Variants in CYP3A5 observed in about 807,000 individuals in gnomAD.
CYP3A5 encodes cytochrome P450 3A5.
In CYP3A5, 51 loss-of-function variants were observed where a neutral mutation model predicts 55.9. That is an observed-to-expected ratio of 0.91 (90% CI 0.73 to 1.15). The LOEUF is 1.15. CYP3A5 is among the 50% of genes most tolerant of loss of function. CYP3A5 has a pLI of 0.00. For missense variants in CYP3A5, 533 were observed against 596.6 expected (o/e 0.89, Z 1.11); for synonymous variants, 196 against 213.9 (o/e 0.92, Z 0.73).
intron 8 of CYP3A5, 123 bp from the exon 9 acceptor site, chr7:99,663,005 A>G: frequency 6.7e-7 from 1 of 1,483,246 alleles, no homozygotes; most frequent in East Asian, 2.5e-5. Context: ...TGGCTTCTTG[A>G]AGACGTGTTA....
chr7:99,664,227 C>T, intron 7 of CYP3A5, 132 bp from the exon 8 acceptor site: 1 of 835,944 alleles, frequency 1.2e-6, no homozygotes, highest in Non-Finnish European at 1.9e-6. Flanking sequence ...TTCCTTTTAT[C>T]ATGTTTGCCC....
chr7:99,679,682 A>G, intron 1 of CYP3A5, 144 bp downstream of exon 1: 1 of 709,086 alleles, frequency 1.4e-6, no homozygotes, highest in Non-Finnish European at 2.4e-6. Context: ...GATAATAATA[A>G]CTTCTATGCG....
At chr7:99,667,128 A>G (rs1811105315) in intron 4 of CYP3A5, 63 bp from the exon 5 acceptor site, 2 of 1,475,678 alleles carry the variant, frequency 1.4e-6, no homozygotes, top group Non-Finnish European at 1.9e-6. Flanking sequence ...GTTGCACAAA[A>G]TATATTGAAG....
chr7:99,663,687 T>C (rs891912116), intron 8 of CYP3A5: 1 of 1,042,324 alleles, frequency 9.6e-7, no homozygotes, highest in Non-Finnish European at 1.2e-6. Context: ...CTTTGACAAT[T>C]TATTAAAGGG....
chr7:99,670,335 A>T (rs1486976020), intron 4 of CYP3A5, among the ~76,000 whole-genome samples: 2 of 152,224 alleles, frequency 1.3e-5, no homozygotes, highest in East Asian at 3.8e-4. Context: ...TCAAACCATA[A>T]CAGCATTCCA....
At chr7:99,651,100 TAGTC>T (rs980822103) in intron 11 of CYP3A5, among the ~76,000 whole-genome samples, 22 of 152,284 alleles carry the variant, frequency 1.4e-4, no homozygotes, top group Admixed American at 5.2e-4. Flanking sequence ...AATAACATGA[TAGTC>T]AGGAGGAGGG....
chr7:99,678,749 T>C (rs898367907), intron 1 of CYP3A5, among the ~76,000 whole-genome samples: 7 of 152,256 alleles, frequency 4.6e-5, no homozygotes, highest in Admixed American at 3.9e-4. Flanking sequence ...TTGCCACAAC[T>C]CACTGAATTC....
At chr7:99,661,221 C>T (rs1464272535) in intron 9 of CYP3A5, among the ~76,000 whole-genome samples, 1 of 152,206 alleles carries the variant, frequency 6.6e-6, no homozygotes, top group Non-Finnish European at 1.5e-5. Flanking sequence ...CATGGACCAG[C>T]AGCACCAGCC....
intron 3 of CYP3A5, chr7:99,674,249 A>C (rs1193330245): frequency 1.4e-5 from 4 of 290,268 alleles, no homozygotes; most frequent in African/African-American, 8.7e-5. Flanking sequence ...GTAGCTAACA[A>C]TAATTATCTC....
intron 10 of CYP3A5, among the ~76,000 whole-genome samples, chr7:99,656,917 G>C (rs370455176): frequency 3.3e-5 from 5 of 151,972 alleles, no homozygotes; most frequent in South Asian, 2.1e-4. Flanking sequence ...TCTGTGGGAT[G>C]GGTGGTGATA....
chr7:99,660,936 A>T (rs1810379570), intron 9 of CYP3A5, among the ~76,000 whole-genome samples: 2 of 152,194 alleles, frequency 1.3e-5, no homozygotes, highest in African/African-American at 4.8e-5. Context: ...ATTTCCAGAG[A>T]GAGCATTTCT....
chr7:99,655,006 A>C (rs1166252329), intron 10 of CYP3A5, among the ~76,000 whole-genome samples: 2 of 152,036 alleles, frequency 1.3e-5, no homozygotes, highest in Non-Finnish European at 2.9e-5. Context: ...AGGTTGCAAA[A>C]ATTTTCTCCC....
chr7:99,679,240 C>G (rs1316961187), intron 1 of CYP3A5, among the ~76,000 whole-genome samples: 1 of 152,026 alleles, frequency 6.6e-6, no homozygotes, highest in African/African-American at 2.4e-5. Flanking sequence ...TTTTCAGGGG[C>G]ATGGCACAGG....
intron 4 of CYP3A5, among the ~76,000 whole-genome samples, chr7:99,667,733 G>A (rs984389331): frequency 2.0e-5 from 3 of 152,170 alleles, no homozygotes; most frequent in African/African-American, 7.2e-5. Context: ...GTTTTAAAAT[G>A]TGTACTTCCA....
Position 99,662,989 on chromosome 7 carries a change from T to A in CYP3A5, c.799-107A>T. Reference sequence around the variant, plus strand: ...CCTTCTTGACTTCCCTCCCTCAACCTCCCTATGGCTTCTTGAAGACGTGTT... The same window carrying A: ...CCTTCTTGACTTCCCTCCCTCAACCACCCTATGGCTTCTTGAAGACGTGTT... On this transcript the variant is annotated intron_variant, in intron 8 of 12. Coordinates refer to ENST00000222982, the MANE Select transcript of CYP3A5 (RefSeq NM_000777.5). This position sits in a 1 kb window ranked among gnomAD's most constrained non-coding sequence, Gnocchi z 4.3. The A allele has an allele frequency of 6.6e-7, 1 of 1,521,708 alleles. No individual in the cohort carries two copies. The highest frequency in any genetic ancestry group is 8.8e-7 in the Non-Finnish European group (1 of 1,132,272). The allele number at this position is 1,521,708 out of a possible 1,614,324, so 94.3% of individuals were successfully genotyped here.
chr7:99,663,016 C>G (rs1000298793), intron 8 of CYP3A5, 134 bp from the exon 9 acceptor site: 1 of 1,442,254 alleles, frequency 6.9e-7, no homozygotes, highest in African/African-American at 1.4e-5. Context: ...AGACGTGTTA[C>G]CTGAGTCACC....
At chr7:99,665,039 A>G (rs760126282) in intron 7 of CYP3A5, 127 bp downstream of exon 7, 2 of 915,958 alleles carry the variant, frequency 2.2e-6, no homozygotes, top group Non-Finnish European at 3.2e-6. Context: ...ATGGTCATAC[A>G]TATTTTTGAT....
chr7:99,650,457 A>G (rs1044286914), intron 11 of CYP3A5, among the ~76,000 whole-genome samples: 2 of 152,164 alleles, frequency 1.3e-5, no homozygotes. Flanking sequence ...GTTTCTTGAG[A>G]TGAGATGAAT....
intron 12 of CYP3A5, among the ~76,000 whole-genome samples, chr7:99,649,024 C>T (rs1808896239): frequency 6.6e-6 from 1 of 152,206 alleles, no homozygotes; most frequent in Non-Finnish European, 1.5e-5. Context: ...ACTATTGTCA[C>T]TGAGTCACCC....
Sources: allele counts gnomAD v4.1 joint callset (sites outside exome capture counted in the v4.1 genomes callset), GRCh38; gene constraint gnomAD v4.1.1; non-coding constraint Gnocchi (gnomAD v3.1); transcripts MANE v1.5; gene names NCBI Gene and HGNC (gene_info 2026-07-23, HGNC 2026-07-21).